Variants in EZH2 observed in about 807,000 individuals in gnomAD.
EZH2 encodes the protein enhancer of zeste 2 polycomb repressive complex 2 subunit.
A neutral mutation model predicts 98.4 loss-of-function variants in EZH2; 18 were observed. The observed-to-expected ratio is 0.18, with a 90% confidence interval of 0.13 to 0.27. The LOEUF (loss-of-function observed/expected upper bound fraction) is 0.27. EZH2 is among the 10% of genes least tolerant of loss of function. The probability of loss-of-function intolerance (pLI) is 1.00; values close to 1 mark genes in which losing one functional copy is unlikely to be tolerated. For synonymous variants in EZH2, 338 were observed against 312.3 expected (o/e 1.08, Z -0.87); for missense variants, 470 against 935.1 (o/e 0.50, Z 6.49).
chr7:148,817,814 C>T, intron 10 of EZH2, 63 bp downstream of exon 10: 3 of 1,608,720 alleles, frequency 1.9e-6, no homozygotes, highest in Non-Finnish European at 2.6e-6. Context: ...CATTATACAT[C>T]CTTAATCCTC....
intron 1 of EZH2, among the ~76,000 whole-genome samples, chr7:148,877,032 G>C (rs1249273835): frequency 6.6e-6 from 1 of 151,844 alleles, no homozygotes; most frequent in Non-Finnish European, 1.5e-5. Flanking sequence ...AGAGTACCAA[G>C]CATATAGTGA....
chr7:148,807,605 A>C lies in EZH2; in HGVS notation c.*41T>G. ...CACAGTACTCGAGGTTCCTGAAGCT[A>C]AGGCAGCTGTTTCAGAGGAGGGGGG... On this transcript the variant is annotated 3_prime_UTR_variant, in exon 20 of 20. Coordinates refer to ENST00000320356, the MANE Select transcript of EZH2 (RefSeq NM_004456.5). 3 of 1,486,686 alleles carry C rather than the reference A, an allele frequency of 2.0e-6. No individual in the cohort carries two copies. The highest frequency in any genetic ancestry group is 2.7e-6 in the Non-Finnish European group (3 of 1,101,172). The allele number at this position is 1,486,686 out of a possible 1,614,324, so 92.1% of individuals were successfully genotyped here.
intron 1 of EZH2, among the ~76,000 whole-genome samples, chr7:148,857,654 G>C (rs1336985428): frequency 6.6e-6 from 1 of 152,194 alleles, no homozygotes. Context: ...GGGAGGCTAA[G>C]GCAGGAGAAT....
intron 1 of EZH2, among the ~76,000 whole-genome samples, chr7:148,862,908 TTTTTG>T (rs980268644): frequency 1.4e-4 from 21 of 145,052 alleles, no homozygotes; most frequent in African/African-American, 2.8e-4. Context: ...TTTTTGTTTG[TTTTTG>T]TTTTGTTTTG....
At chr7:148,864,485 C>A (rs1818144684) in intron 1 of EZH2, among the ~76,000 whole-genome samples, 1 of 151,696 alleles carries the variant, frequency 6.6e-6, no homozygotes, top group East Asian at 1.9e-4. Context: ...GAGTTTGAGA[C>A]CAGCCTGGAC....
Position 148,814,972 on chromosome 7 carries a change from C to A in EZH2, c.1614G>T (p.Ser538=). Residue 538 remains serine (S), a synonymous_variant, in exon 14 of 20, where the codon TCG becomes TCT. Transcript: ENST00000320356. ...AATTTTGTGCTATCACACAAGGGCACGAACTGTCACAAGGCTGCCGTGGAT... is the reference window on the plus strand; with the variant it reads ...AATTTTGTGCTATCACACAAGGGCAAGAACTGTCACAAGGCTGCCGTGGAT... ...CDHPRQPCDS[S]CPCVIAQNFC... is the part of the protein sequence containing the mutation. 6.2e-7 allele frequency: 1 copy of A among 1,613,818 alleles called. No individual in the cohort carries two copies. The highest frequency in any genetic ancestry group is 8.5e-7 in the Non-Finnish European group (1 of 1,180,000).
chr7:148,822,605 T>C (rs761761277), intron 8 of EZH2, among the ~76,000 whole-genome samples: 41 of 151,700 alleles, frequency 2.7e-4, no homozygotes, highest in Non-Finnish European at 5.2e-4. Flanking sequence ...ATTTCCTGAT[T>C]ATATAAAAAG....
intron 17 of EZH2, among the ~76,000 whole-genome samples, chr7:148,809,668 A>G (rs1455961597): frequency 6.6e-6 from 1 of 151,890 alleles, no homozygotes; most frequent in Admixed American, 6.5e-5. Context: ...ATAGCAAAAA[A>G]AAAAAAAAAT....
At chr7:148,858,509 C>T (rs1011590758) in intron 1 of EZH2, among the ~76,000 whole-genome samples, 2 of 151,882 alleles carry the variant, frequency 1.3e-5, no homozygotes, top group East Asian at 3.9e-4. Flanking sequence ...AAAAAACTCC[C>T]AAATATAATT....
At chr7:148,868,946 T>C (rs1475719203) in intron 1 of EZH2, among the ~76,000 whole-genome samples, 3 of 152,220 alleles carry the variant, frequency 2.0e-5, no homozygotes, top group African/African-American at 7.2e-5. Context: ...AAACAATTAT[T>C]TCTTTAACTG....
chr7:148,814,239 C>A, intron 14 of EZH2, 102 bp from the exon 15 acceptor site: 1 of 988,868 alleles, frequency 1.0e-6, no homozygotes. Context: ...TGACTCTCAA[C>A]CCTCACAACC....
intron 14 of EZH2, among the ~76,000 whole-genome samples, chr7:148,814,486 T>G (rs1352806571): frequency 6.6e-6 from 1 of 152,172 alleles, no homozygotes; most frequent in Non-Finnish European, 1.5e-5. Flanking sequence ...TCATGTGCAG[T>G]CTCATTAAAC....
intron 3 of EZH2, among the ~76,000 whole-genome samples, chr7:148,839,081 G>T (rs189952782): frequency 5.5e-5 from 8 of 146,494 alleles, no homozygotes; most frequent in African/African-American, 2.2e-4. Context: ...AGGAAGGAAG[G>T]AAGGAAGGAA....
chr7:148,870,352 A>C (rs1270147068), intron 1 of EZH2, among the ~76,000 whole-genome samples: 1 of 152,160 alleles, frequency 6.6e-6, no homozygotes, highest in African/African-American at 2.4e-5. Context: ...TTTAGATCAG[A>C]ATTTTATGAA....
chr7:148,840,215 A>G (rs1362697129), intron 3 of EZH2, among the ~76,000 whole-genome samples: 1 of 152,210 alleles, frequency 6.6e-6, no homozygotes, highest in Non-Finnish European at 1.5e-5. Context: ...ATTACTCAAA[A>G]GATGCAAGGA....
intron 1 of EZH2, among the ~76,000 whole-genome samples, chr7:148,867,329 AAAAT>A (rs982352805): frequency 1.1e-4 from 16 of 152,082 alleles, no homozygotes; most frequent in African/African-American, 3.4e-4. Context: ...TCCCATCTCA[AAAAT>A]AAATAAATAA....
chr7:148,830,863 T>C (rs1275085796), intron 4 of EZH2, among the ~76,000 whole-genome samples: 1 of 152,230 alleles, frequency 6.6e-6, no homozygotes, highest in Non-Finnish European at 1.5e-5. Flanking sequence ...AGATAAAGAC[T>C]GGACAGTTCT....
At chr7:148,824,548 G>A (rs1807125042) in intron 8 of EZH2, among the ~76,000 whole-genome samples, 1 of 152,188 alleles carries the variant, frequency 6.6e-6, no homozygotes, top group Non-Finnish European at 1.5e-5. Flanking sequence ...GCCTAGGTGT[G>A]TCATGCGCTG....
chr7:148,882,132 T>C (rs908674808), intron 1 of EZH2, among the ~76,000 whole-genome samples: 17 of 152,174 alleles, frequency 1.1e-4, no homozygotes, highest in African/African-American at 4.1e-4. Flanking sequence ...ACTTTTTTGT[T>C]ATAATGTCTC....
Sources: allele counts gnomAD v4.1 joint callset (sites outside exome capture counted in the v4.1 genomes callset), GRCh38; gene constraint gnomAD v4.1.1; transcripts MANE v1.5; gene names NCBI Gene and HGNC (gene_info 2026-07-23, HGNC 2026-07-21).